The following WDPCP variants were observed in gnomAD, a reference collection of about 807,000 sequenced individuals.
WDPCP encodes WD repeat-containing and planar cell polarity effector protein fritz homolog.
In WDPCP, 71 loss-of-function variants were observed where a neutral mutation model predicts 93.1. That is an observed-to-expected ratio of 0.76 (90% confidence interval 0.63 to 0.93). The LOEUF (loss-of-function observed/expected upper bound fraction) is 0.93, where lower values mean the gene tolerates loss of function less well. WDPCP is among the 40% of genes least tolerant of loss of function. The pLI is 0.00. For missense variants in WDPCP, 844 were observed against 887.4 expected (o/e 0.95, Z 0.62); for synonymous variants, 315 against 315.0 (o/e 1.00, Z 0.00).
chr2:63,147,394 C>T (rs1671589907), intron 17 of WDPCP, among the ~76,000 whole-genome samples: 1 of 152,014 alleles, frequency 6.6e-6, no homozygotes, highest in South Asian at 2.1e-4. Context: ...TATTTAGGAG[C>T]ATTAATCAAT....
chr2:63,401,448 A>C (rs535952354), intron 10 of WDPCP, among the ~76,000 whole-genome samples: 2 of 152,308 alleles, frequency 1.3e-5, no homozygotes, highest in Admixed American at 1.3e-4. Flanking sequence ...ACAATGAGAT[A>C]CATCTCACAT....
At chr2:63,628,552 T>C (rs941653998) in intron 3 of WDPCP, among the ~76,000 whole-genome samples, 2 of 152,320 alleles carry the variant, frequency 1.3e-5, no homozygotes, top group Admixed American at 6.5e-5. Context: ...TAGAGAGGTT[T>C]CAGTTTAAGA....
intron 13 of WDPCP, among the ~76,000 whole-genome samples, chr2:63,277,830 A>G (rs1342099117): frequency 3.3e-5 from 5 of 152,350 alleles, no homozygotes; most frequent in African/African-American, 4.8e-5. Flanking sequence ...CTTTACTGAC[A>G]GTACTAAACA....
At chr2:63,604,957 G>A (rs1709499646) in intron 3 of WDPCP, 2 of 1,371,632 alleles carry the variant, frequency 1.5e-6, no homozygotes, top group South Asian at 2.7e-5. Flanking sequence ...AAAGAGGGCA[G>A]GTCTTTCACA....
intron 12 of WDPCP, among the ~76,000 whole-genome samples, chr2:63,348,348 G>A (rs1689340099): frequency 6.6e-6 from 1 of 152,164 alleles, no homozygotes; most frequent in Non-Finnish European, 1.5e-5. Context: ...GACTATAAGT[G>A]CTATAGCAGA....
chr2:63,327,120 T>G (rs768674274), intron 12 of WDPCP, among the ~76,000 whole-genome samples: 19 of 152,178 alleles, frequency 1.2e-4, no homozygotes, highest in Non-Finnish European at 2.6e-4. Flanking sequence ...GGACAATAGA[T>G]GGTTCCTCCC....
intron 9 of WDPCP, among the ~76,000 whole-genome samples, chr2:63,409,542 A>G (rs1362658978): frequency 6.6e-6 from 1 of 152,158 alleles, no homozygotes; most frequent in South Asian, 2.1e-4. Context: ...GATCCAAACC[A>G]AGAAGAAATC....
chr2:63,542,466 G>GT (rs1704820072), intron 1 of WDPCP, among the ~76,000 whole-genome samples: 1 of 152,186 alleles, frequency 6.6e-6, no homozygotes, highest in Admixed American at 6.5e-5. Context: ...CCTGGGTAAT[G>GT]TAGCTACCAT....
Position 63,703,864 on chromosome 2 carries a change from G to T in WDPCP, n.309-53026C>A, listed in dbSNP as rs554517695. On this transcript the variant is annotated intron_variant and non_coding_transcript_variant, in intron 2 of 4. Coordinates refer to the WDPCP transcript ENST00000467687. ...AGTCATTGGTAGCTTGATGGGGATG[G>T]CATTGAATCTATAAATTACCTTGGG... 4.6e-5 allele frequency among the ~76,000 whole-genome samples: 7 copies of T among 152,206 alleles called. No individual in the cohort carries two copies. In the South Asian group the frequency reaches 1.5e-3, roughly 32 times the overall value.
chr2:63,502,263 T>G (rs963077896), intron 1 of WDPCP, among the ~76,000 whole-genome samples: 1 of 152,232 alleles, frequency 6.6e-6, no homozygotes, highest in Non-Finnish European at 1.5e-5. Flanking sequence ...AGCCACAATA[T>G]GTTCAATTGA....
intron 15 of WDPCP, among the ~76,000 whole-genome samples, chr2:63,154,957 G>A (rs80131757): frequency 3.9e-5 from 6 of 152,146 alleles, no homozygotes; most frequent in African/African-American, 7.2e-5. Flanking sequence ...TGAAATGTCC[G>A]TCCAAGTCTT....
At chr2:63,457,212 G>A (rs980620633) in intron 6 of WDPCP, among the ~76,000 whole-genome samples, 7 of 151,928 alleles carry the variant, frequency 4.6e-5, no homozygotes, top group East Asian at 1.9e-4. Context: ...ATATGCTAAC[G>A]AACTAAAAAA....
At chr2:63,621,072 C>T (rs1392562623) in intron 3 of WDPCP, among the ~76,000 whole-genome samples, 1 of 152,162 alleles carries the variant, frequency 6.6e-6, no homozygotes, top group Non-Finnish European at 1.5e-5. Context: ...AAAACCAGTA[C>T]AGAAAGGCTG....
intron 1 of WDPCP, among the ~76,000 whole-genome samples, chr2:63,549,831 G>C (rs1422649128): frequency 6.6e-6 from 1 of 152,114 alleles, no homozygotes; most frequent in Non-Finnish European, 1.5e-5. Context: ...ACGGACATAA[G>C]AACACACCCA....
chr2:63,783,681 A>G (rs1470126353), intron 2 of WDPCP, among the ~76,000 whole-genome samples: 2 of 152,206 alleles, frequency 1.3e-5, no homozygotes, highest in Non-Finnish European at 2.9e-5. Context: ...AGAGACAAAT[A>G]CCACATGTTC....
chr2:63,685,781 T>G (rs2422005), intron 2 of WDPCP, among the ~76,000 whole-genome samples: 65,120 of 151,992 alleles, frequency 0.43, 15,181 homozygotes, highest in African/African-American at 0.61. Context: ...TTATCCCAGG[T>G]ATGCAAGAAT....
intron 12 of WDPCP, among the ~76,000 whole-genome samples, chr2:63,363,739 T>TC (rs1241462656): frequency 1.9e-5 from 1 of 51,702 alleles, no homozygotes; most frequent in Non-Finnish European, 3.0e-5. Flanking sequence ...AGGAAGAATA[T>TC]ATTTTTTTAA....
intron 12 of WDPCP, among the ~76,000 whole-genome samples, chr2:63,343,825 G>A (rs1403935557): frequency 6.6e-6 from 1 of 151,982 alleles, no homozygotes; most frequent in Non-Finnish European, 1.5e-5. Context: ...TATCATTTTG[G>A]TTCTTATATT....
intron 12 of WDPCP, among the ~76,000 whole-genome samples, chr2:63,321,463 G>C (rs918621587): frequency 6.6e-6 from 1 of 151,288 alleles, no homozygotes; most frequent in African/African-American, 2.4e-5. Flanking sequence ...TTACTTTGCT[G>C]ATTTATTTCC....
Sources: gnomAD v4.1 joint callset for allele counts (sites outside exome capture counted in the v4.1 genomes callset) on GRCh38, gnomAD v4.1.1 for gene constraint, MANE v1.5 for transcripts, NCBI Gene and HGNC (gene_info 2026-07-23, HGNC 2026-07-21) for gene names.